ANKRD11: variants seen among roughly 807,000 people sequenced by gnomAD.
The protein encoded by ANKRD11 is ankyrin repeat domain 11.
A neutral mutation model predicts 195.7 loss-of-function variants in ANKRD11; 17 were observed. The ratio of observed to expected loss-of-function variants is 0.09; its 90% CI spans 0.06 to 0.13. The LOEUF is 0.13. ANKRD11 is among the 10% of genes least tolerant of loss of function. ANKRD11 has a pLI of 1.00. For missense variants in ANKRD11, 3,735 were observed against 3,566.1 expected (o/e 1.05, Z -1.21); for synonymous variants, 1,953 against 1,528.1 (o/e 1.28, Z -6.49).
At chr16:89,465,400 T>C (rs1014587215) in intron 1 of ANKRD11, among the ~76,000 whole-genome samples, 6 of 152,212 alleles carry the variant, frequency 3.9e-5, no homozygotes, top group Non-Finnish European at 7.3e-5. Context: ...TAGACTGGCG[T>C]TGGACTTCTC....
intron 1 of ANKRD11, chr16:89,489,225 A>ACACACGCGCGCGCG (rs1331575394): frequency 6.7e-6 from 1 of 148,838 alleles, no homozygotes; most frequent in Non-Finnish European, 1.5e-5. Flanking sequence ...ACACACACAC[A>ACACACGCGCGCGCG]CGCGCGCGCG....
intron 3 of ANKRD11, among the ~76,000 whole-genome samples, chr16:89,309,205 G>A (rs758234713): frequency 4.6e-5 from 7 of 152,168 alleles, no homozygotes; most frequent in Non-Finnish European, 7.3e-5. Flanking sequence ...CTGGCTCATC[G>A]ACAGAAGAGC....
rs545282226 is a variant in ANKRD11, at chr16:89,453,644, T to C, written c.-144-35276A>G. On this transcript the variant is annotated intron_variant, in intron 1 of 12. Coordinates refer to ENST00000301030, the MANE Select transcript of ANKRD11 (RefSeq NM_013275.6). Reference sequence around the variant, plus strand: ...TATTTAAATAAAAGCACAAAGCATCTGTTCAAGCACGAAAAAACATATGGG... The same window carrying C: ...TATTTAAATAAAAGCACAAAGCATCCGTTCAAGCACGAAAAAACATATGGG... Among the ~76,000 whole-genome samples the C allele has an allele frequency of 3.9e-5, 6 of 152,264 alleles. No homozygotes were observed. In the East Asian group the frequency reaches 1.2e-3, roughly 29 times the overall value.
intron 1 of ANKRD11, among the ~76,000 whole-genome samples, chr16:89,468,233 T>C (rs926669625): frequency 6.6e-6 from 1 of 152,204 alleles, no homozygotes; most frequent in Admixed American, 6.5e-5. Flanking sequence ...ACAGCAAAAC[T>C]AAGAGGATTT....
At chr16:89,409,708 A>C (rs76225018) in intron 2 of ANKRD11, among the ~76,000 whole-genome samples, 1 of 152,226 alleles carries the variant, frequency 6.6e-6, no homozygotes, top group Non-Finnish European at 1.5e-5. Flanking sequence ...CCATTACAAC[A>C]CTGAAGTTTA....
rs1479911604 is a variant in ANKRD11 at position 89,283,713 on chromosome 16, C to G, written c.2829G>C (p.Glu943Asp). 6.2e-7 allele frequency: 1 copy of G among 1,613,644 alleles called. No individual in the cohort carries two copies. Among genetic ancestry groups the G allele is most frequent in the Admixed American group, 1.7e-5 (1 of 60,012 alleles). The stretch of plus-strand genomic sequence containing the variant: ...TTCTGTCCCGCCCGGCCTCTGCGGA[C>G]TCTCTCCTCTTCTTGTCCTTTTCCG... ...YLSEKDKKRR[E>D]SAEAGRDRKD... The change falls in exon 9 of 13, where the codon GAG (glutamate) becomes GAC (aspartate). Residue 943 changes from glutamate (E) to aspartate (D), a missense_variant. Glu to Asp is a conservative substitution (Grantham distance 45). Transcript: ENST00000301030. The surrounding 1 kb of genome is among the most constrained non-coding windows in gnomAD (Gnocchi z 4.3).
At chr16:89,349,006 T>A (rs1188633119) in intron 2 of ANKRD11, among the ~76,000 whole-genome samples, 2 of 151,360 alleles carry the variant, frequency 1.3e-5, no homozygotes, top group East Asian at 3.9e-4. Flanking sequence ...AGCGCACTTG[T>A]AATCCCAGCT....
intron 2 of ANKRD11, among the ~76,000 whole-genome samples, chr16:89,386,970 G>T (rs1440930996): frequency 6.6e-6 from 1 of 152,036 alleles, no homozygotes; most frequent in Admixed American, 6.5e-5. Flanking sequence ...GGGCAGGAGG[G>T]TGGCCCCACC....
chr16:89,330,301 G>A (rs369312631), intron 2 of ANKRD11, among the ~76,000 whole-genome samples: 7 of 152,230 alleles, frequency 4.6e-5, no homozygotes, highest in East Asian at 1.9e-4. Context: ...ACAGCACGCA[G>A]CTTCTGGGTG....
chr16:89,297,352 G>A (rs1165098848), intron 4 of ANKRD11, among the ~76,000 whole-genome samples: 9 of 152,204 alleles, frequency 5.9e-5, no homozygotes, highest in Non-Finnish European at 1.0e-4. Context: ...TCAAACAACA[G>A]AAAGTTCACG....
At chr16:89,404,933 C>T (rs568183229) in intron 2 of ANKRD11, among the ~76,000 whole-genome samples, 1 of 152,338 alleles carries the variant, frequency 6.6e-6, no homozygotes, top group Non-Finnish European at 1.5e-5. Flanking sequence ...GGACAAACAT[C>T]GTGTCCACAG....
chr16:89,398,529 C>T (rs549198808), intron 2 of ANKRD11, among the ~76,000 whole-genome samples: 5 of 152,142 alleles, frequency 3.3e-5, no homozygotes, highest in Admixed American at 6.5e-5. Context: ...CCAGCCTGGG[C>T]AACACAGGGA....
rs2032819913 is a variant in ANKRD11, at chr16:89,268,424, C to CAGT, written c.*51_*53dup. On this transcript the variant is annotated 3_prime_UTR_variant, in exon 13 of 13. Coordinates refer to ENST00000301030, the MANE Select transcript of ANKRD11 (RefSeq NM_013275.6). Reference sequence around the variant, plus strand: ...CTCCTCCGCCCCTGGGGCTCAGCAGCAGTCCTGGGCAGCCGTGCGGCCCTC... The same window carrying CAGT: ...CTCCTCCGCCCCTGGGGCTCAGCAGCAGTAGTCCTGGGCAGCCGTGCGGCCCTC... 6.3e-6 allele frequency: 5 copies of CAGT among 790,700 alleles called. No individual in the cohort carries two copies. Among genetic ancestry groups the CAGT allele is most frequent in the Non-Finnish European group, 9.9e-6 (5 of 504,174 alleles). 49.0% of individuals were successfully genotyped at this position (790,700 alleles called of 1,614,324 possible). A position where few individuals can be genotyped will look rare whatever the true frequency, so the allele number is the denominator to read the frequency against.
Position 89,305,294 on chromosome 16 carries a change from A to T in ANKRD11, c.138T>A (p.Asp46Glu), listed in dbSNP as rs996390846. The change falls in exon 4 of 13, where the codon GAT (aspartate) becomes GAA (glutamate). Residue 46 changes from aspartate (D) to glutamate (E), a missense_variant. Transcript: ENST00000301030. ...CTCGCTCCCTCACCTCCTTCCCGCC[A>T]TCGCCACGCTCCAGTTTTGGGGTCT... ...LTKTPKLERG[D>E]GGKEVRERAS... is the part of the protein sequence containing the mutation. 1.2e-5 allele frequency: 19 copies of T among 1,613,854 alleles called. No individual in the cohort carries two copies. The highest frequency in any genetic ancestry group is 1.4e-5 in the Non-Finnish European group (17 of 1,179,920).
In ANKRD11 at chr16:89,345,054, C is replaced by T. The variant is rs899269600; in HGVS notation, c.-59-27976G>A. ...GGCCAAGCGGTGCTCCAGGGAAGCC[C>T]AGCTCGGATGGTTTCTCAACCACTC... is the stretch of plus-strand genomic sequence containing the variant. On this transcript the variant is annotated intron_variant, in intron 2 of 12. Transcript: ENST00000301030. Among the ~76,000 whole-genome samples the T allele has an allele frequency of 2.6e-5, 4 of 152,178 alleles. No homozygotes were observed. The East Asian group carries it at 5.8e-4, about 22-fold the overall frequency.
At chr16:89,384,881 T>TTTTTTTTTTTTTTTTC in intron 2 of ANKRD11, among the ~76,000 whole-genome samples, 1 of 19,758 alleles carries the variant, frequency 5.1e-5, no homozygotes, top group Non-Finnish European at 1.1e-4. Context: ...ATAGTTTTCT[T>TTTTTTTTTTTTTTTTC]TTTTTTTTTT....
At chr16:89,302,378 G>C (rs568056288) in intron 4 of ANKRD11, among the ~76,000 whole-genome samples, 1 of 152,102 alleles carries the variant, frequency 6.6e-6, no homozygotes, top group Non-Finnish European at 1.5e-5. Context: ...TCAGCCTCCC[G>C]AGTAGCTGGG....
rs931792974 is a variant in ANKRD11, at chr16:89,418,312, C to T, written c.-88G>A. 34 of 454,012 alleles carry T rather than the reference C, an allele frequency of 7.5e-5. No individual in the cohort carries two copies. The highest frequency in any genetic ancestry group is 6.1e-4 in the Admixed American group (26 of 42,568). The allele number at this position is 454,012 out of a possible 1,614,324, so 28.1% of individuals were successfully genotyped here. A position where few individuals can be genotyped will look rare whatever the true frequency, so the allele number is the denominator to read the frequency against. ...TTCCATAGCTGAAAGTCAGTGCTGA[C>T]GAGGACTGTCTTTTAAATCCAATGG... On this transcript the variant is annotated 5_prime_UTR_variant, in exon 2 of 13. Coordinates refer to ENST00000301030, the MANE Select transcript of ANKRD11 (RefSeq NM_013275.6).
At position 89,288,563 on chromosome 16, in the gene ANKRD11, G is replaced by A; in HGVS notation, c.709C>T (p.Pro237Ser). ...CCGTTGTTGGCAGCGTCGTGCAAAG[G>A]CGTGTCGTCATCTAGGCCCTTGGTG... The part of the protein sequence containing the change: ...VNTKGLDDDT[P>S]LHDAANNGHY... The change falls in exon 7 of 13, where the codon CCT (proline) becomes TCT (serine). Residue 237 changes from proline to serine, a missense_variant. Coordinates refer to ENST00000301030, the MANE Select transcript of ANKRD11 (RefSeq NM_013275.6). 6.2e-7 allele frequency: 1 copy of A among 1,614,164 alleles called. No homozygotes were observed.
Sources: gnomAD v4.1 joint callset for allele counts (sites outside exome capture counted in the v4.1 genomes callset) on GRCh38, gnomAD v4.1.1 for gene constraint, Gnocchi (gnomAD v3.1) non-coding constraint, MANE v1.5 for transcripts, NCBI Gene and HGNC (gene_info 2026-07-23, HGNC 2026-07-21) for gene names.